B3GALT1: variants seen among roughly 807,000 people sequenced by gnomAD.
The protein encoded by B3GALT1 is beta-1,3-galactosyltransferase 1, also known as UDP-Gal:betaGlcNAc beta 1,3-galactosyltransferase, polypeptide 1.
Under a neutral mutation model 23.2 loss-of-function variants are expected in B3GALT1, and 10 were observed. The ratio of observed to expected loss-of-function variants is 0.43; its 90% CI spans 0.27 to 0.73. The LOEUF is 0.73. Among genes scored for constraint, B3GALT1 ranks in the 30% least tolerant of loss-of-function variants. The pLI is 0.21. For missense variants in B3GALT1, 299 were observed against 405.4 expected (o/e 0.74, Z 2.25); for synonymous variants, 156 against 141.5 (o/e 1.10, Z -0.73).
intron 2 of B3GALT1, among the ~76,000 whole-genome samples, chr2:167,496,100 G>T (rs1166301536): frequency 6.6e-6 from 1 of 151,996 alleles, no homozygotes; most frequent in Admixed American, 6.6e-5. Flanking sequence ...TACAAATGTT[G>T]TTTAAGCTTT....
intron 3 of B3GALT1, among the ~76,000 whole-genome samples, chr2:167,789,424 CATG>C (rs1407358985): frequency 6.6e-6 from 1 of 152,142 alleles, no homozygotes; most frequent in Non-Finnish European, 1.5e-5. Flanking sequence ...ACAACACGAG[CATG>C]ATATCTGCTT....
At chr2:167,515,023 T>A (rs565513767) in intron 2 of B3GALT1, among the ~76,000 whole-genome samples, 3 of 152,264 alleles carry the variant, frequency 2.0e-5, no homozygotes, top group East Asian at 3.9e-4. Context: ...ACCAAAAGTT[T>A]AGTAAAAAAT....
chr2:167,461,128 A>G (rs1053747027), intron 1 of B3GALT1, among the ~76,000 whole-genome samples: 1 of 152,192 alleles, frequency 6.6e-6, no homozygotes, highest in Non-Finnish European at 1.5e-5. Flanking sequence ...AGAAGCAGTA[A>G]TCAGTAATCA....
chr2:167,312,521 CA>C (rs933008808), intron 1 of B3GALT1, among the ~76,000 whole-genome samples: 4 of 151,592 alleles, frequency 2.6e-5, no homozygotes, highest in Non-Finnish European at 5.9e-5. Context: ...TAAAAGAGAA[CA>C]AAAAAACCGA....
chr2:167,385,865 G>A (rs981395639), intron 1 of B3GALT1, among the ~76,000 whole-genome samples: 1 of 152,064 alleles, frequency 6.6e-6, no homozygotes, highest in African/African-American at 2.4e-5. Context: ...GATTAAAAGG[G>A]TTCTATCAAC....
intron 2 of B3GALT1, among the ~76,000 whole-genome samples, chr2:167,590,345 CAAAAAAA>C (rs397873377): frequency 1.3e-5 from 1 of 78,308 alleles, no homozygotes; most frequent in Non-Finnish European, 2.6e-5. Flanking sequence ...GACTCTGTCT[CAAAAAAA>C]AAAAAAAAAA....
At chr2:167,702,801 T>C (rs891561806) in intron 3 of B3GALT1, among the ~76,000 whole-genome samples, 5 of 152,212 alleles carry the variant, frequency 3.3e-5, no homozygotes, top group African/African-American at 1.2e-4. Flanking sequence ...TTTCTCCCCT[T>C]GTCCCCAGTC....
At position 167,659,562 on chromosome 2, in the gene B3GALT1, A is replaced by G. The variant is rs573960706; in HGVS notation, c.-352+12596A>G. ...TCAGGAGGCAAAAATGTAATACCAA[A>G]TAGTGTTTCATGTGGTTTGTGGACA... On this transcript the variant is annotated intron_variant, in intron 3 of 4. Transcript: ENST00000392690. Among the ~76,000 whole-genome samples, 6 of 152,210 alleles carry G rather than the reference A, an allele frequency of 3.9e-5. No homozygotes were observed. In the South Asian group the frequency reaches 1.2e-3, roughly 32 times the overall value.
chr2:167,570,470 T>C (rs1230340989), intron 2 of B3GALT1, among the ~76,000 whole-genome samples: 1 of 151,970 alleles, frequency 6.6e-6, no homozygotes, highest in African/African-American at 2.4e-5. Context: ...TTTTCAATAA[T>C]GCTATAAATG....
intron 3 of B3GALT1, among the ~76,000 whole-genome samples, chr2:167,816,888 C>G (rs903434570): frequency 6.6e-6 from 1 of 152,152 alleles, no homozygotes; most frequent in Admixed American, 6.5e-5. Context: ...ACATGCTCTC[C>G]TGTCTTATGC....
At chr2:167,506,071 AG>A (rs2105350831) in intron 2 of B3GALT1, among the ~76,000 whole-genome samples, 1 of 152,188 alleles carries the variant, frequency 6.6e-6, no homozygotes, top group East Asian at 1.9e-4. Context: ...AAAAAAAGAC[AG>A]AGATACTAAT....
At chr2:167,858,348 A>G (rs1690038078) in intron 4 of B3GALT1, among the ~76,000 whole-genome samples, 2 of 151,650 alleles carry the variant, frequency 1.3e-5, no homozygotes, top group East Asian at 3.9e-4. Context: ...GCGAAGTAAA[A>G]AAAAAAAAAA....
chr2:167,638,956 C>G (rs1471850034), intron 2 of B3GALT1, among the ~76,000 whole-genome samples: 2 of 151,974 alleles, frequency 1.3e-5, no homozygotes, highest in Non-Finnish European at 2.9e-5. Context: ...TCTGTCCCAT[C>G]ATTCTGTGCT....
chr2:167,861,001 T>G (rs1690089204), intron 4 of B3GALT1, among the ~76,000 whole-genome samples: 1 of 152,214 alleles, frequency 6.6e-6, no homozygotes. Context: ...AGAAATTACT[T>G]GCTCAAATCA....
chr2:167,639,075 C>T (rs1056078656), intron 2 of B3GALT1, among the ~76,000 whole-genome samples: 1 of 151,872 alleles, frequency 6.6e-6, no homozygotes, highest in African/African-American at 2.4e-5. Context: ...TACATATGCT[C>T]AAAAATGATT....
Position 167,784,737 on chromosome 2 carries a change from C to T in B3GALT1, c.-351-33935C>T, listed in dbSNP as rs531965975. Among the ~76,000 whole-genome samples the T allele has an allele frequency of 2.6e-5, 4 of 152,204 alleles. No homozygotes were observed. In the South Asian group the frequency reaches 8.3e-4, roughly 32 times the overall value. On this transcript the variant is annotated intron_variant, in intron 3 of 4. Transcript: ENST00000392690. ...AAATACTTAGAAAGCCTATGTAAAACAATGCTGTATTAAAAAGGAGACCAC... is the reference window on the plus strand; with the variant it reads ...AAATACTTAGAAAGCCTATGTAAAATAATGCTGTATTAAAAAGGAGACCAC...
chr2:167,806,543 G>T (rs1327212343), intron 3 of B3GALT1, among the ~76,000 whole-genome samples: 1 of 152,148 alleles, frequency 6.6e-6, no homozygotes, highest in Non-Finnish European at 1.5e-5. Context: ...GTTGAATTTT[G>T]TCAAAGGCCT....
At chr2:167,407,784 CAAAG>C (rs979628799) in intron 1 of B3GALT1, among the ~76,000 whole-genome samples, 4 of 151,888 alleles carry the variant, frequency 2.6e-5, no homozygotes, top group Non-Finnish European at 2.9e-5. Context: ...GATTAAAACA[CAAAG>C]AAACCTCAAA....
At chr2:167,565,291 A>G (rs920356812) in intron 2 of B3GALT1, among the ~76,000 whole-genome samples, 1 of 152,232 alleles carries the variant, frequency 6.6e-6, no homozygotes, top group Non-Finnish European at 1.5e-5. Flanking sequence ...TGCTGGGACA[A>G]CTGGCTAGCC....
Sources: gnomAD v4.1 joint callset for allele counts (sites outside exome capture counted in the v4.1 genomes callset) on GRCh38, gnomAD v4.1.1 for gene constraint, MANE v1.5 for transcripts, NCBI Gene and HGNC (gene_info 2026-07-23, HGNC 2026-07-21) for gene names.